Variants in UBQLN1 observed in about 807,000 individuals in gnomAD.
The protein encoded by UBQLN1 is ubiquilin 1.
Under a neutral mutation model 65.4 loss-of-function variants are expected in UBQLN1, and 13 were observed. That is an observed-to-expected ratio of 0.20 (90% CI 0.13 to 0.32). UBQLN1 has a LOEUF of 0.32. Ranked by LOEUF, UBQLN1 falls within the 10% of genes least tolerant of loss-of-function variation. UBQLN1 has a pLI of 1.00. For synonymous variants in UBQLN1, 267 were observed against 247.8 expected (o/e 1.08, Z -0.73); for missense variants, 561 against 724.0 (o/e 0.77, Z 2.58).
Position 83,661,260 on chromosome 9 carries a change from A to G in UBQLN1, c.*527T>C, listed in dbSNP as rs904643211. 6.5e-6 allele frequency: 1 copy of G among 153,670 alleles called. No individual in the cohort carries two copies. Among genetic ancestry groups the G allele is most frequent in the Non-Finnish European group, 1.5e-5 (1 of 68,060 alleles). The allele number at this position is 153,670 out of a possible 1,614,324, so 9.5% of individuals were successfully genotyped here. A position where few individuals can be genotyped will look rare whatever the true frequency, so the allele number is the denominator to read the frequency against. ...TACAGGTGTTTTGCTCAGAGAGCCT[A>G]TTGCAGTATGTTTCCAGAAATGCAG... On this transcript the variant is annotated 3_prime_UTR_variant, in exon 11 of 11. Coordinates refer to ENST00000376395, the MANE Select transcript of UBQLN1 (RefSeq NM_013438.5).
At position 83,707,797 on chromosome 9, in the gene UBQLN1, G is replaced by A; in HGVS notation, c.-118C>T. The A allele has an allele frequency of 2.9e-6, 4 of 1,366,968 alleles. No individual in the cohort carries two copies. Among genetic ancestry groups the A allele is most frequent in the East Asian group, 2.9e-5 (1 of 34,108 alleles). 84.7% of individuals were successfully genotyped at this position (1,366,968 alleles called of 1,614,324 possible). ...GACAGCGAAGAATGCAGAGCACGCC[G>A]CCTCAGTAGCAACGGGCGCAGGGCC... On this transcript the variant is annotated 5_prime_UTR_variant, in exon 1 of 11. Transcript: ENST00000376395.
At chr9:83,664,906 G>A (rs1456685764) in intron 9 of UBQLN1, 124 bp downstream of exon 9, 8 of 628,134 alleles carry the variant, frequency 1.3e-5, no homozygotes, top group East Asian at 3.7e-5. Context: ...GGCGAAGGGC[G>A]AGACCCTGTA....
At position 83,660,823 on chromosome 9, in the gene UBQLN1, T is replaced by C. The variant is rs965629588; in HGVS notation, c.*964A>G. On this transcript the variant is annotated 3_prime_UTR_variant, in exon 11 of 11. Coordinates refer to ENST00000376395, the MANE Select transcript of UBQLN1 (RefSeq NM_013438.5). ...TGAGAAAACAGATAAACCCAAAAGA[T>C]AGTTCTATTTTTTTATGGCGATTAA... is the stretch of plus-strand genomic sequence containing the variant. The C allele has an allele frequency of 2.6e-5, 4 of 152,612 alleles. No homozygotes were observed. Among genetic ancestry groups the C allele is most frequent in the Non-Finnish European group, 4.4e-5 (3 of 68,032 alleles). The allele number at this position is 152,612 out of a possible 1,614,324, so 9.5% of individuals were successfully genotyped here.
intron 6 of UBQLN1, 121 bp from the exon 7 acceptor site, chr9:83,669,448 G>C (rs1831696674): frequency 3.3e-6 from 3 of 920,416 alleles, no homozygotes; most frequent in Non-Finnish European, 4.6e-6. Flanking sequence ...TACATATTAT[G>C]TATCAACTGA....
At chr9:83,675,081 G>A (rs1198658778) in intron 6 of UBQLN1, among the ~76,000 whole-genome samples, 1 of 152,132 alleles carries the variant, frequency 6.6e-6, no homozygotes, top group African/African-American at 2.4e-5. Context: ...TATCAATGAG[G>A]AGCACTGTTA....
rs1831558505 is a variant in UBQLN1 at position 83,661,354 on chromosome 9, ATT to A, written c.*431_*432del. 1 of 163,372 alleles carries A rather than the reference ATT, an allele frequency of 6.1e-6. No individual in the cohort carries two copies. Among genetic ancestry groups the A allele is most frequent in the Admixed American group, 6.5e-5 (1 of 15,396 alleles). The allele number at this position is 163,372 out of a possible 1,614,324, so 10.1% of individuals were successfully genotyped here. A position where few individuals can be genotyped will look rare whatever the true frequency, so the allele number is the denominator to read the frequency against. On this transcript the variant is annotated 3_prime_UTR_variant, in exon 11 of 11. Transcript: ENST00000376395. ...TTATCAGTAGTATAAATCTTACAGC[ATT>A]GTTTGCAAAAATGCATGCCAAAGTC... is the stretch of plus-strand genomic sequence containing the variant.
intron 6 of UBQLN1, among the ~76,000 whole-genome samples, chr9:83,675,308 T>C (rs957841309): frequency 7.2e-5 from 11 of 152,164 alleles, no homozygotes; most frequent in African/African-American, 2.4e-4. Flanking sequence ...ACTATATGAA[T>C]TCGTTTTTGT....
At chr9:83,706,959 A>G (rs988845181) in intron 1 of UBQLN1, among the ~76,000 whole-genome samples, 1 of 152,152 alleles carries the variant, frequency 6.6e-6, no homozygotes, top group African/African-American at 2.4e-5. Flanking sequence ...TTTTTTTTTA[A>G]AGGTTGCAAG....
intron 3 of UBQLN1, 107 bp downstream of exon 3, chr9:83,682,841 TTTG>T: frequency 5.7e-6 from 3 of 523,150 alleles, no homozygotes; most frequent in Admixed American, 3.4e-5. Flanking sequence ...TTTTTTAATT[TTTG>T]TTGTTAAAGT....
intron 1 of UBQLN1, among the ~76,000 whole-genome samples, chr9:83,689,508 C>A (rs1324763307): frequency 6.6e-6 from 1 of 152,168 alleles, no homozygotes; most frequent in Non-Finnish European, 1.5e-5. Context: ...AATAAGCATT[C>A]TTTTTAAGTG....
chr9:83,671,144 A>G (rs1479643903), intron 6 of UBQLN1, among the ~76,000 whole-genome samples: 1 of 152,108 alleles, frequency 6.6e-6, no homozygotes, highest in Non-Finnish European at 1.5e-5. Flanking sequence ...TCCACTTCAC[A>G]TTCTAGTTCT....
At chr9:83,676,519 T>C (rs1160456124) in intron 6 of UBQLN1, among the ~76,000 whole-genome samples, 3 of 152,214 alleles carry the variant, frequency 2.0e-5, no homozygotes, top group African/African-American at 4.8e-5. Context: ...AAGGATTAAG[T>C]AGAATATAGA....
intron 1 of UBQLN1, among the ~76,000 whole-genome samples, chr9:83,692,475 C>T (rs1287838270): frequency 6.6e-6 from 1 of 152,176 alleles, no homozygotes; most frequent in African/African-American, 2.4e-5. Context: ...AATTAGCCAT[C>T]TTAGAAAATC....
chr9:83,690,400 C>T (rs1269001813), intron 1 of UBQLN1, among the ~76,000 whole-genome samples: 2 of 152,002 alleles, frequency 1.3e-5, no homozygotes, highest in African/African-American at 4.8e-5. Context: ...ATCCATGGTG[C>T]CCAAAGTGAG....
intron 6 of UBQLN1, among the ~76,000 whole-genome samples, chr9:83,670,851 G>C (rs1831717512): frequency 6.6e-6 from 1 of 152,160 alleles, no homozygotes; most frequent in Admixed American, 6.5e-5. Flanking sequence ...ACTTACAGCA[G>C]ACTCTATCTC....
chr9:83,675,743 T>G (rs530215455), intron 6 of UBQLN1, among the ~76,000 whole-genome samples: 13 of 152,346 alleles, frequency 8.5e-5, no homozygotes, highest in Non-Finnish European at 1.9e-4. Flanking sequence ...AATCAAATGC[T>G]TTTGGAATGA....
In UBQLN1 at chr9:83,666,339, G is replaced by A; in HGVS notation, c.1332+11C>T. 1 of 1,612,806 alleles carries A rather than the reference G, an allele frequency of 6.2e-7. No individual in the cohort carries two copies. The highest frequency in any genetic ancestry group is 8.5e-7 in the Non-Finnish European group (1 of 1,178,958). On this transcript the variant is annotated intron_variant, in intron 8 of 10. Coordinates refer to ENST00000376395, the MANE Select transcript of UBQLN1 (RefSeq NM_013438.5). The stretch of plus-strand genomic sequence containing the variant: ...CATTACCCAAGATAGCTAACATCTT[G>A]TCTTACTCACTTGTTGGAGGAAAGT...
At chr9:83,683,137 G>T in intron 2 of UBQLN1, 71 bp from the exon 3 acceptor site, 1 of 1,111,020 alleles carries the variant, frequency 9.0e-7, no homozygotes, top group Non-Finnish European at 1.3e-6. Flanking sequence ...CAAAGGCCAG[G>T]CACAGTGGCT....
intron 6 of UBQLN1, among the ~76,000 whole-genome samples, chr9:83,676,596 T>G (rs1831837076): frequency 6.6e-6 from 1 of 152,168 alleles, no homozygotes; most frequent in African/African-American, 2.4e-5. Context: ...ATTATAAACA[T>G]AAATCTCAAG....
Sources: allele counts gnomAD v4.1 joint callset (sites outside exome capture counted in the v4.1 genomes callset), GRCh38; gene constraint gnomAD v4.1.1; transcripts MANE v1.5; gene names NCBI Gene and HGNC (gene_info 2026-07-23, HGNC 2026-07-21).